Variants in COL5A1 observed in about 807,000 individuals in gnomAD.
COL5A1 encodes collagen type V alpha 1 chain.
A neutral mutation model predicts 263.7 loss-of-function variants in COL5A1; 16 were observed. The ratio of observed to expected loss-of-function variants is 0.06; its 90% CI spans 0.04 to 0.09. The LOEUF is 0.09. Ranked by LOEUF, COL5A1 falls within the 10% of genes least tolerant of loss-of-function variation. The pLI is 1.00. For synonymous variants in COL5A1, 1,012 were observed against 1,004.5 expected (o/e 1.01, Z -0.14); for missense variants, 2,036 against 2,540.5 (o/e 0.80, Z 4.27).
In COL5A1 at chr9:134,719,693, C is replaced by T. The variant is rs34416771; in HGVS notation, c.655-7573C>T. 6.0e-4 allele frequency among the ~76,000 whole-genome samples: 91 copies of T among 152,336 alleles called. No individual in the cohort carries two copies. In the East Asian group the frequency reaches 0.017, roughly 29 times the overall value. ...CATGCTCCATATCCTGGGTGGTGAT[C>T]GGCCTCTGCCTTTCCAGGGCAAGGG... On this transcript the variant is annotated intron_variant, in intron 4 of 65. Transcript: ENST00000371817.
Position 134,844,774 on chromosome 9 carries a change from C to CTTTGT in COL5A1, c.*2473_*2474insTGTTT, listed in dbSNP as rs748954549. On this transcript the variant is annotated 3_prime_UTR_variant, in exon 66 of 66. Transcript: ENST00000371817. ...AAAGGATATCTTAAAATATTCTAAACTTGTGTAACAAAGGAATAATTAACT... is the reference window on the plus strand; with the variant it reads ...AAAGGATATCTTAAAATATTCTAAACTTTGTTTGTGTAACAAAGGAATAATTAACT... The CTTTGT allele has an allele frequency of 5.9e-5, 9 of 152,258 alleles. No homozygotes were observed. The highest frequency in any genetic ancestry group is 1.2e-4 in the Non-Finnish European group (8 of 68,048). 9.4% of individuals were successfully genotyped at this position (152,258 alleles called of 1,614,324 possible). A position where few individuals can be genotyped will look rare whatever the true frequency, so the allele number is the denominator to read the frequency against.
rs753451866 is a variant in COL5A1, at chr9:134,822,154, T to TGTATCTGGGA, written c.4608+6_4608+15dup. 6.2e-7 allele frequency: 1 copy of TGTATCTGGGA among 1,611,226 alleles called. No homozygotes were observed. Among genetic ancestry groups the TGTATCTGGGA allele is most frequent in the African/African-American group, 1.3e-5 (1 of 74,842 alleles). On this transcript the variant is annotated splice_donor_region_variant and intron_variant, in intron 59 of 65. Coordinates refer to ENST00000371817, the MANE Select transcript of COL5A1 (RefSeq NM_000093.5). ...TCCTGGGCCCCCTGGCCTGCCGGTG[T>TGTATCTGGGA]GTATCTGGGAGGGGCTTGGTCATTC...
intron 52 of COL5A1, among the ~76,000 whole-genome samples, 170 bp downstream of exon 52, chr9:134,816,158 T>C (rs961622122): frequency 5.3e-5 from 8 of 152,244 alleles, no homozygotes; most frequent in Non-Finnish European, 1.0e-4. Flanking sequence ...GATTCCCTTA[T>C]GATATTGATT....
intron 19 of COL5A1, among the ~76,000 whole-genome samples, chr9:134,762,508 G>A (rs1836492648): frequency 1.3e-5 from 2 of 152,212 alleles, no homozygotes; most frequent in South Asian, 2.1e-4. Context: ...GGACGCACAG[G>A]CCGGGGTCTG....
chr9:134,784,897 C>A, intron 29 of COL5A1, 92 bp from the exon 30 acceptor site: 2 of 1,078,138 alleles, frequency 1.9e-6, no homozygotes, highest in Non-Finnish European at 2.9e-6. Flanking sequence ...GTGCCTGTGA[C>A]CTGTCCCCTT....
Position 134,841,687 on chromosome 9 carries a change from C to T in COL5A1, c.5371-470C>T, listed in dbSNP as rs557107535. Among the ~76,000 whole-genome samples the T allele has an allele frequency of 1.1e-4, 17 of 152,252 alleles. No homozygotes were observed. The highest frequency in any genetic ancestry group is 3.4e-4 in the African/African-American group (14 of 41,556). ...GGTCTTACTTGGCTCAAGGCTCTGC[C>T]GGTGCCGCCTCGGACTCCTTCCTTT... On this transcript the variant is annotated intron_variant, in intron 65 of 65. Coordinates refer to ENST00000371817, the MANE Select transcript of COL5A1 (RefSeq NM_000093.5). The surrounding 1 kb of genome is among the most constrained non-coding windows in gnomAD (Gnocchi z 4.8).
chr9:134,759,767 A>C (rs1245979232), intron 18 of COL5A1, among the ~76,000 whole-genome samples: 1 of 88,932 alleles, frequency 1.1e-5, no homozygotes, highest in African/African-American at 4.0e-5. Flanking sequence ...ACACCCACGC[A>C]CCCCCACACT....
Position 134,811,504 on chromosome 9 carries a change from G to A in COL5A1, c.3595G>A (p.Glu1199Lys), listed in dbSNP as rs867211079. 26 of 1,612,524 alleles carry A rather than the reference G, an allele frequency of 1.6e-5. No homozygotes were observed. The highest frequency in any genetic ancestry group is 2.0e-5 in the Non-Finnish European group (24 of 1,179,290). Residue 1199 changes from glutamate (E) to lysine (K), a missense_variant, in exon 46 of 66, where the codon GAG (glutamate) becomes AAG (lysine). Physicochemically the swap from Glu to Lys is moderately conservative, Grantham distance 56. Coordinates refer to ENST00000371817, the MANE Select transcript of COL5A1 (RefSeq NM_000093.5). ...TATTTCCCTGCAGGGAGCTGACGGCGAGCCGGGGCCTCGGGGCCAGCAGGG... is the reference window on the plus strand; with the variant it reads ...TATTTCCCTGCAGGGAGCTGACGGCAAGCCGGGGCCTCGGGGCCAGCAGGG... ...GQPGPSGADG[E>K]PGPRGQQGLF...
chr9:134,717,435 C>T (rs996229809), intron 4 of COL5A1, among the ~76,000 whole-genome samples: 3 of 152,296 alleles, frequency 2.0e-5, no homozygotes, highest in Non-Finnish European at 2.9e-5. Context: ...AATGGTTTAA[C>T]GTGGTTTGCG....
chr9:134,830,301 CACG>C (rs1839554769), intron 64 of COL5A1: 1 of 941,970 alleles, frequency 1.1e-6, no homozygotes, highest in Non-Finnish European at 1.6e-6. Flanking sequence ...CGCTCCACAT[CACG>C]TGACAGCAAG....
At chr9:134,718,265 A>G (rs1834340901) in intron 4 of COL5A1, among the ~76,000 whole-genome samples, 1 of 152,250 alleles carries the variant, frequency 6.6e-6, no homozygotes, top group Non-Finnish European at 1.5e-5. Flanking sequence ...GTGGCCGCCA[A>G]CTGTGCCGTG....
At position 134,787,166 on chromosome 9, in the gene COL5A1, C is replaced by T. The variant is rs118041519; in HGVS notation, c.2646+1118C>T. On this transcript the variant is annotated intron_variant, in intron 31 of 65. Transcript: ENST00000371817. ...GCACTTTTCCTCTCTTAATATACAT[C>T]CCTCTGGGGATGGAAAGAAGAGAAG... 6.8e-3 allele frequency among the ~76,000 whole-genome samples: 1,033 copies of T among 152,338 alleles called. 4 individuals are homozygous for T. Among genetic ancestry groups the T allele is most frequent in the Admixed American group, 9.0e-3 (137 of 15,304 alleles).
At chr9:134,658,310 C>T (rs1417143459) in intron 1 of COL5A1, among the ~76,000 whole-genome samples, 8 of 152,174 alleles carry the variant, frequency 5.3e-5, no homozygotes, top group Non-Finnish European at 4.4e-5. Context: ...TGAAAATCTC[C>T]TTGCTCACCA....
chr9:134,795,068 TTC>T lies in COL5A1; in HGVS notation c.2701-10_2701-9del. The T allele has an allele frequency of 6.2e-7, 1 of 1,613,724 alleles. No individual in the cohort carries two copies. Among genetic ancestry groups the T allele is most frequent in the Non-Finnish European group, 8.5e-7 (1 of 1,179,794 alleles). On this transcript the variant is annotated splice_polypyrimidine_tract_variant and intron_variant, in intron 32 of 65. Coordinates refer to ENST00000371817, the MANE Select transcript of COL5A1 (RefSeq NM_000093.5). ...ATTTAGAGAGTGACTGACCAGCCCC[TTC>T]TCTGATTCTAGGGGACCCCTGGAAA...
chr9:134,832,600 G>A (rs1257928379), intron 64 of COL5A1: 1 of 152,226 alleles, frequency 6.6e-6, no homozygotes, highest in Non-Finnish European at 1.5e-5. Flanking sequence ...TGGGCACTGG[G>A]GGCTTCAGGT....
chr9:134,806,093 G>A, intron 41 of COL5A1, 96 bp from the exon 42 acceptor site: 1 of 894,918 alleles, frequency 1.1e-6, no homozygotes. Context: ...GCTCTAGAGT[G>A]AGCAGGTAAG....
At chr9:134,806,426 G>T in intron 42 of COL5A1, 130 bp downstream of exon 42, 1 of 682,722 alleles carries the variant, frequency 1.5e-6, no homozygotes, top group South Asian at 1.9e-5. Context: ...GGTGGGGTCT[G>T]CGGCCCTCTA....
intron 9 of COL5A1, 108 bp downstream of exon 9, chr9:134,732,235 A>G: frequency 5.1e-6 from 6 of 1,171,042 alleles, no homozygotes; most frequent in Non-Finnish European, 7.7e-6. Context: ...ACCTGCGCGC[A>G]CTGGGTCACT....
At chr9:134,822,530 C>T (rs191448195) in intron 59 of COL5A1, among the ~76,000 whole-genome samples, 18 of 152,244 alleles carry the variant, frequency 1.2e-4, no homozygotes, top group South Asian at 8.3e-4. Context: ...CCTCTGGCAC[C>T]GCTGCCTGGG....
Sources: allele counts gnomAD v4.1 joint callset (sites outside exome capture counted in the v4.1 genomes callset), GRCh38; gene constraint gnomAD v4.1.1; non-coding constraint Gnocchi (gnomAD v3.1); transcripts MANE v1.5; gene names NCBI Gene and HGNC (gene_info 2026-07-23, HGNC 2026-07-21).